Variants in ODAD1 observed in about 807,000 individuals in gnomAD.
ODAD1 encodes outer dynein arm-docking complex subunit 1.
ODAD1 carries 49 observed loss-of-function variants against 67.2 expected under a neutral mutation model. The observed-to-expected ratio is 0.73, with a 90% confidence interval of 0.58 to 0.92. ODAD1 has a LOEUF of 0.92. ODAD1 is among the 40% of genes least tolerant of loss of function. The pLI is 0.00. For missense variants in ODAD1, 897 were observed against 953.7 expected (o/e 0.94, Z 0.78); for synonymous variants, 345 against 393.7 (o/e 0.88, Z 1.46).
chr19:48,297,386 TG>T lies in ODAD1; in HGVS notation c.1713del (p.Thr572ProfsTer12). 2 of 1,607,746 alleles carry T rather than the reference TG, an allele frequency of 1.2e-6. No homozygotes were observed. ...QRAGSSTVLV[P>X]TRHPHAIPGS... ...CCGGGGATGGCATGGGGGTGCCTGGTGGGCACCAGGACGGTACTGGAGCCGG... is the reference window on the plus strand; with the variant it reads ...CCGGGGATGGCATGGGGGTGCCTGGTGGCACCAGGACGGTACTGGAGCCGG... On this transcript the variant is annotated frameshift_variant, in exon 16 of 16. Transcript: ENST00000674294. LOFTEE classifies it low-confidence loss of function (END_TRUNC).
At chr19:48,307,629 C>T (rs1456510795) in intron 7 of ODAD1, among the ~76,000 whole-genome samples, 3 of 151,958 alleles carry the variant, frequency 2.0e-5, no homozygotes, top group African/African-American at 7.3e-5. Context: ...TCCTGGCTAA[C>T]ACGGCAAAAC....
rs3077987 is a variant in ODAD1 at position 48,302,367 on chromosome 19, AATGGATGGATGGATGG to A, written c.1240+311_1240+326del. On this transcript the variant is annotated intron_variant, in intron 12 of 15. Coordinates refer to ENST00000674294, the MANE Select transcript of ODAD1 (RefSeq NM_001364171.2). ...AGGATAATTGGAGAGACAGACGTTG[AATGGATGGATGGATGG>A]ATGGATGGATGGATGGATGGATGGA... Among the ~76,000 whole-genome samples the A allele has an allele frequency of 2.5e-4, 36 of 142,630 alleles. No individual in the cohort carries two copies. The East Asian group carries it at 4.9e-3, about 19-fold the overall frequency. 93.6% of individuals were successfully genotyped at this position (142,630 alleles called of 152,430 possible).
intron 5 of ODAD1, among the ~76,000 whole-genome samples, chr19:48,312,653 G>C (rs887531475): frequency 1.3e-5 from 2 of 152,132 alleles, no homozygotes; most frequent in African/African-American, 4.8e-5. Flanking sequence ...CTGACCTCAA[G>C]TGATCCACCC....
In ODAD1 at chr19:48,297,180, G is replaced by C. The variant is rs368328973; in HGVS notation, c.1920C>G (p.Pro640=). Residue 640 remains proline (P), a synonymous_variant, in exon 16 of 16, where the codon CCC becomes CCG. Coordinates refer to ENST00000674294, the MANE Select transcript of ODAD1 (RefSeq NM_001364171.2). ...ASSGGHVTFR[P]VSASSYLGST... ...AGCCCAGGTAGCTGCTGGCGCTGAC[G>C]GGTCTGAAGGTCACGTGGCCCCCAC... 6.2e-7 allele frequency: 1 copy of C among 1,614,152 alleles called. No individual in the cohort carries two copies. Among genetic ancestry groups the C allele is most frequent in the South Asian group, 1.1e-5 (1 of 91,080 alleles).
intron 7 of ODAD1, 113 bp downstream of exon 7, chr19:48,311,440 T>C: frequency 1.5e-6 from 1 of 667,184 alleles, no homozygotes. Context: ...AGCCTACCGC[T>C]CTAGTCAATC....
At chr19:48,306,130 T>C (rs1600864114) in intron 8 of ODAD1, 126 bp downstream of exon 8, 1 of 1,382,198 alleles carries the variant, frequency 7.2e-7, no homozygotes, top group East Asian at 2.6e-5. Flanking sequence ...AAAAAGGGGA[T>C]ATTATGGGAG....
intron 5 of ODAD1, among the ~76,000 whole-genome samples, chr19:48,312,573 C>T (rs1245729247): frequency 1.3e-5 from 2 of 151,974 alleles, no homozygotes; most frequent in Non-Finnish European, 2.9e-5. Context: ...CGTACCACCA[C>T]ACCCAGCTAA....
intron 7 of ODAD1, among the ~76,000 whole-genome samples, chr19:48,309,004 C>A (rs530952764): frequency 1.3e-5 from 2 of 152,302 alleles, no homozygotes; most frequent in African/African-American, 4.8e-5. Context: ...GCTGCAGCCA[C>A]CCTCCCAACC....
intron 8 of ODAD1, 150 bp from the exon 9 acceptor site, chr19:48,304,290 G>A (rs1188709305): frequency 1.4e-6 from 1 of 738,816 alleles, no homozygotes; most frequent in African/African-American, 1.8e-5. Flanking sequence ...GGGGTCACAG[G>A]AATGGGGCTG....
rs1401545382 is a variant in ODAD1, at chr19:48,316,822, A to T, written c.360+1565T>A. Among the ~76,000 whole-genome samples, 10 of 152,172 alleles carry T rather than the reference A, an allele frequency of 6.6e-5. No homozygotes were observed. In the East Asian group the frequency reaches 1.9e-3, roughly 29 times the overall value. On this transcript the variant is annotated intron_variant, in intron 5 of 15. Transcript: ENST00000674294. ...AGACCAGCCTGGCCAACATGGCAAA[A>T]CCTCATCTCTACCAAAAAATACAAA...
intron 5 of ODAD1, 24 bp downstream of exon 5, chr19:48,318,363 G>A (rs1309408063): frequency 1.6e-5 from 25 of 1,543,378 alleles, no homozygotes; most frequent in South Asian, 3.6e-5. Flanking sequence ...AGCAGGATCC[G>A]TAGAACCACC....
intron 14 of ODAD1, 119 bp from the exon 15 acceptor site, chr19:48,297,787 C>A (rs763040076): frequency 7.4e-5 from 73 of 987,946 alleles, no homozygotes; most frequent in Non-Finnish European, 1.0e-4. Context: ...AGTGCCCTTC[C>A]CTTCTGGGGC....
chr19:48,314,684 T>G (rs1015483775), intron 5 of ODAD1, among the ~76,000 whole-genome samples: 2 of 152,140 alleles, frequency 1.3e-5, no homozygotes, highest in African/African-American at 4.8e-5. Context: ...CTCACGCCTG[T>G]AATCCCAGCA....
chr19:48,318,446 C>T lies in ODAD1; in HGVS notation c.301G>A (p.Ala101Thr), dbSNP rs1329062970. 6.4e-7 allele frequency: 1 copy of T among 1,551,652 alleles called. No individual in the cohort carries two copies. The change falls in exon 5 of 16, where the codon GCC (alanine) becomes ACC (threonine). Residue 101 changes from alanine to threonine, a missense_variant. Ala to Thr is a moderately conservative substitution (Grantham distance 58). Coordinates refer to ENST00000674294, the MANE Select transcript of ODAD1 (RefSeq NM_001364171.2). ...ENMDRLLKGR[A>T]QVQAEIEELQ... ...TCCTCGATCTCCGCCTGCACCTGGG[C>T]CCGGCCCTTCAGCAGGCGGTCCATG...
At chr19:48,313,449 A>AAC (rs1968823882) in intron 5 of ODAD1, among the ~76,000 whole-genome samples, 1 of 65,558 alleles carries the variant, frequency 1.5e-5, no homozygotes, top group Non-Finnish European at 3.4e-5. Flanking sequence ...AAAAAAAACC[A>AAC]AAAAAAAACC....
intron 3 of ODAD1, 24 bp downstream of exon 3, chr19:48,320,275 T>A (rs753261032): frequency 2.5e-4 from 312 of 1,225,682 alleles, no homozygotes; most frequent in Admixed American, 5.4e-4. Context: ...AATGGGTGAA[T>A]GATATAAAGA....
chr19:48,305,206 A>G (rs1323479374), intron 8 of ODAD1, among the ~76,000 whole-genome samples: 1 of 152,156 alleles, frequency 6.6e-6, no homozygotes, highest in Non-Finnish European at 1.5e-5. Flanking sequence ...GAGAGAGAGC[A>G]TGGAGCTCAT....
At chr19:48,306,477 T>G (rs1468191671) in intron 7 of ODAD1, among the ~76,000 whole-genome samples, 154 bp from the exon 8 acceptor site, 1 of 142,810 alleles carries the variant, frequency 7.0e-6, no homozygotes, top group Admixed American at 6.9e-5. Flanking sequence ...TGAAAGGGAT[T>G]TTAAAGAGGT....
At chr19:48,317,590 G>A (rs1004065031) in intron 5 of ODAD1, among the ~76,000 whole-genome samples, 1 of 151,980 alleles carries the variant, frequency 6.6e-6, no homozygotes, top group Non-Finnish European at 1.5e-5. Context: ...CACCAGTCCT[G>A]TTTTTGAATG....
Sources: gnomAD v4.1 joint callset for allele counts (sites outside exome capture counted in the v4.1 genomes callset) on GRCh38, gnomAD v4.1.1 for gene constraint, MANE v1.5 for transcripts, NCBI Gene and HGNC (gene_info 2026-07-23, HGNC 2026-07-21) for gene names.